NCOA7: variants seen among roughly 807,000 people sequenced by gnomAD.
NCOA7 encodes 140 kDa estrogen receptor-associated protein.
NCOA7 carries 45 observed loss-of-function variants against 104.3 expected under a neutral mutation model. The ratio of observed to expected loss-of-function variants is 0.43; its 90% CI spans 0.34 to 0.55. The LOEUF (loss-of-function observed/expected upper bound fraction) is 0.55. Among genes scored for constraint, NCOA7 ranks in the 20% least tolerant of loss-of-function variants. The probability of loss-of-function intolerance (pLI) is 0.02; values close to 1 mark genes in which losing one functional copy is unlikely to be tolerated. For missense variants in NCOA7, 1,041 were observed against 1,119.7 expected, an observed-to-expected ratio of 0.93 and a Z score of 1.00; for synonymous variants, 398 against 402.3, an observed-to-expected ratio of 0.99 and a Z score of 0.13.
At chr6:125,797,719 G>A (rs1775469496) in intron 1 of NCOA7, 2 of 152,308 alleles carry the variant, frequency 1.3e-5, no homozygotes, top group Middle Eastern at 6.8e-3. Flanking sequence ...GGCTATTCAT[G>A]GGTCTGCTGG....
intron 1 of NCOA7, among the ~76,000 whole-genome samples, chr6:125,785,239 A>G (rs1774411338): frequency 6.6e-6 from 1 of 152,138 alleles, no homozygotes; most frequent in Admixed American, 6.5e-5. Context: ...TCGGGAAGCT[A>G]AGGCAGGAGA....
intron 2 of NCOA7, among the ~76,000 whole-genome samples, chr6:125,827,753 T>C (rs1778786481): frequency 6.6e-6 from 1 of 152,206 alleles, no homozygotes; most frequent in African/African-American, 2.4e-5. Flanking sequence ...GACAAAAAGC[T>C]TGGCAGCTTC....
At chr6:125,917,908 C>T (rs1002060037) in intron 11 of NCOA7, among the ~76,000 whole-genome samples, 2 of 152,174 alleles carry the variant, frequency 1.3e-5, no homozygotes, top group African/African-American at 4.8e-5. Context: ...CTGCACTTTA[C>T]ATAAGATGAA....
intron 3 of NCOA7, among the ~76,000 whole-genome samples, chr6:125,856,315 A>C (rs764597421): frequency 6.6e-6 from 1 of 151,928 alleles, no homozygotes; most frequent in African/African-American, 2.4e-5. Flanking sequence ...CCAAAGTTAC[A>C]GGAAGACATA....
chr6:125,807,731 A>G (rs953582063), intron 1 of NCOA7, among the ~76,000 whole-genome samples: 1 of 152,134 alleles, frequency 6.6e-6, no homozygotes, highest in African/African-American at 2.4e-5. Context: ...TTTTTGTTCA[A>G]GTCAGTGGGA....
intron 10 of NCOA7, among the ~76,000 whole-genome samples, chr6:125,904,562 C>A (rs1051262902): frequency 1.3e-5 from 2 of 152,190 alleles, no homozygotes; most frequent in Non-Finnish European, 2.9e-5. Flanking sequence ...GTAATGGACT[C>A]TTCTGCCTCC....
At chr6:125,871,998 GAAAAAAA>G (rs530879162) in intron 3 of NCOA7, among the ~76,000 whole-genome samples, 4 of 89,764 alleles carry the variant, frequency 4.5e-5, no homozygotes, top group South Asian at 4.4e-4. Flanking sequence ...CCCTGTCTCA[GAAAAAAA>G]AAAAAAAAAA....
At chr6:125,922,905 G>A in intron 13 of NCOA7, 71 bp downstream of exon 13, 1 of 1,381,392 alleles carries the variant, frequency 7.2e-7, no homozygotes, top group African/African-American at 1.5e-5. Context: ...AGAGAGACTA[G>A]TACCATATAC....
rs1054970976 is a variant in NCOA7 at position 125,864,125 on chromosome 6, A to G, written c.271+8885A>G. On this transcript the variant is annotated intron_variant, in intron 3 of 15. Transcript: ENST00000392477. ...ATCCTAAGCAAACAGTCATGAGCAT[A>G]TTAGAAGATTTAACTGCAGTAACTA... Among the ~76,000 whole-genome samples the G allele has an allele frequency of 1.5e-4, 21 of 137,872 alleles. 3 individuals carry two copies. Among genetic ancestry groups the G allele is most frequent in the Admixed American group, 1.4e-4 (2 of 14,508 alleles). The allele number at this position is 137,872 out of a possible 152,430, so 90.4% of individuals were successfully genotyped here.
At chr6:125,803,842 A>G (rs1776151811) in intron 1 of NCOA7, among the ~76,000 whole-genome samples, 1 of 152,178 alleles carries the variant, frequency 6.6e-6, no homozygotes, top group African/African-American at 2.4e-5. Flanking sequence ...TCATCTATCC[A>G]ATTTTGTTGG....
At chr6:125,883,713 CTTTTTTTTTTTT>C (rs35489978) in intron 7 of NCOA7, among the ~76,000 whole-genome samples, 5 of 85,932 alleles carry the variant, frequency 5.8e-5, no homozygotes, top group Non-Finnish European at 4.5e-5. Flanking sequence ...ACCTACACCT[CTTTTTTTTTTTT>C]TTTTTTTTTT....
chr6:125,840,793 G>C (rs995010251), intron 2 of NCOA7, among the ~76,000 whole-genome samples: 14 of 149,464 alleles, frequency 9.4e-5, no homozygotes, highest in Non-Finnish European at 1.0e-4. Flanking sequence ...TTACAGGCTT[G>C]AGTCATCGTG....
At chr6:125,891,555 T>G (rs893364076) in intron 10 of NCOA7, among the ~76,000 whole-genome samples, 3 of 152,178 alleles carry the variant, frequency 2.0e-5, no homozygotes, top group Non-Finnish European at 4.4e-5. Flanking sequence ...ACCATGCATC[T>G]TGCCCCTTAA....
At chr6:125,823,191 C>G (rs1392949626) in intron 2 of NCOA7, among the ~76,000 whole-genome samples, 1 of 152,142 alleles carries the variant, frequency 6.6e-6, no homozygotes, top group Admixed American at 6.6e-5. Context: ...AAATGGACAT[C>G]TGGAAGGTGG....
At chr6:125,813,307 A>T (rs1424836675) in intron 1 of NCOA7, among the ~76,000 whole-genome samples, 1 of 152,158 alleles carries the variant, frequency 6.6e-6, no homozygotes, top group Non-Finnish European at 1.5e-5. Context: ...TTAGAGCAGC[A>T]TACAAGGCTT....
intron 2 of NCOA7, among the ~76,000 whole-genome samples, chr6:125,843,438 G>C (rs115149755): frequency 0.022 from 3,279 of 152,222 alleles, 119 homozygotes; most frequent in African/African-American, 0.072. Flanking sequence ...GTGGTAATTT[G>C]GTACAGCAGC....
intron 2 of NCOA7, among the ~76,000 whole-genome samples, chr6:125,825,917 CACAT>C (rs1176241500): frequency 6.6e-6 from 1 of 152,088 alleles, no homozygotes; most frequent in Non-Finnish European, 1.5e-5. Context: ...TATATACACA[CACAT>C]ACATACATAT....
intron 2 of NCOA7, among the ~76,000 whole-genome samples, chr6:125,852,473 G>A (rs938492316): frequency 2.0e-5 from 3 of 152,036 alleles, no homozygotes; most frequent in Admixed American, 6.6e-5. Context: ...GGATTATAGG[G>A]TGAGCCACCG....
chr6:125,872,495 T>G (rs1783015716), intron 3 of NCOA7, among the ~76,000 whole-genome samples: 1 of 152,178 alleles, frequency 6.6e-6, no homozygotes, highest in African/African-American at 2.4e-5. Context: ...CTGTTTATGA[T>G]GACAGCAAGA....
Sources: allele counts gnomAD v4.1 joint callset (sites outside exome capture counted in the v4.1 genomes callset), GRCh38; gene constraint gnomAD v4.1.1; transcripts MANE v1.5; gene names NCBI Gene and HGNC (gene_info 2026-07-23, HGNC 2026-07-21).